The following PRIMA1 variants were observed in gnomAD, a reference collection of about 807,000 sequenced individuals.
PRIMA1 encodes the protein proline rich membrane anchor 1, also known as proline-rich membrane anchor 1.
A neutral mutation model predicts 17.5 loss-of-function variants in PRIMA1; 7 were observed. The ratio of observed to expected loss-of-function variants is 0.40; its 90% CI spans 0.23 to 0.75. The LOEUF (loss-of-function observed/expected upper bound fraction) is 0.75. PRIMA1 is among the 30% of genes least tolerant of loss of function. The probability of loss-of-function intolerance (pLI) is 0.37; values close to 1 mark genes in which losing one functional copy is unlikely to be tolerated. For missense variants in PRIMA1, 200 were observed against 201.8 expected (o/e 0.99, Z 0.05); for synonymous variants, 97 against 77.9 (o/e 1.25, Z -1.29).
chr14:93,732,806 AG>A (rs2076123409), intron 4 of PRIMA1, among the ~76,000 whole-genome samples: 1 of 149,448 alleles, frequency 6.7e-6, no homozygotes, highest in Non-Finnish European at 1.5e-5. Flanking sequence ...TGCTGAGCCC[AG>A]CTGAGCCCAG....
intron 4 of PRIMA1, among the ~76,000 whole-genome samples, chr14:93,728,742 G>A (rs12432279): frequency 0.17 from 26,063 of 152,132 alleles, 2,536 homozygotes; most frequent in Admixed American, 0.29. Context: ...AGCTGGCCCA[G>A]AGCACACACA....
chr14:93,732,826 G>A (rs528364120), intron 4 of PRIMA1, among the ~76,000 whole-genome samples: 7 of 148,014 alleles, frequency 4.7e-5, no homozygotes, highest in Admixed American at 2.6e-4. Flanking sequence ...AGCTGAGCCC[G>A]GCGGGGCTGG....
intron 3 of PRIMA1, among the ~76,000 whole-genome samples, chr14:93,738,718 A>G (rs1042954263): frequency 6.6e-6 from 1 of 152,174 alleles, no homozygotes; most frequent in Non-Finnish European, 1.5e-5. Context: ...TAAAAGTACC[A>G]TCCTCTGAGC....
At chr14:93,728,794 G>A (rs531821716) in intron 4 of PRIMA1, among the ~76,000 whole-genome samples, 2 of 152,262 alleles carry the variant, frequency 1.3e-5, no homozygotes, top group Non-Finnish European at 2.9e-5. Flanking sequence ...TGTCCACGGT[G>A]CACGGAGGCC....
intron 3 of PRIMA1, among the ~76,000 whole-genome samples, chr14:93,741,575 G>T (rs2076184544): frequency 6.6e-6 from 1 of 152,234 alleles, no homozygotes; most frequent in Admixed American, 6.5e-5. Flanking sequence ...CGTAAACTAT[G>T]CCTTTACCAG....
chr14:93,770,479 G>A (rs974373510), intron 3 of PRIMA1, among the ~76,000 whole-genome samples: 4 of 152,214 alleles, frequency 2.6e-5, no homozygotes, highest in South Asian at 2.1e-4. Context: ...TTCTCCACAC[G>A]AGGACCTTGC....
intron 3 of PRIMA1, among the ~76,000 whole-genome samples, chr14:93,757,907 G>A (rs964407073): frequency 2.0e-5 from 3 of 152,172 alleles, no homozygotes; most frequent in Admixed American, 6.5e-5. Context: ...AACACATGAC[G>A]GACACTGTTG....
Position 93,718,971 on chromosome 14 carries a change from A to C in PRIMA1, c.*2473T>G, listed in dbSNP as rs1302889072. ...TCAAATACTAGGCCGGCAGGGTTTT[A>C]AGTACCCTTATGTCTCTGTAAGCTC... On this transcript the variant is annotated 3_prime_UTR_variant, in exon 5 of 5. Coordinates refer to ENST00000393140, the MANE Select transcript of PRIMA1 (RefSeq NM_178013.4). The C allele has an allele frequency of 6.6e-6, 1 of 152,144 alleles. No homozygotes were observed. Among genetic ancestry groups the C allele is most frequent in the Admixed American group, 6.5e-5 (1 of 15,278 alleles). The allele number at this position is 152,144 out of a possible 1,614,324, so 9.4% of individuals were successfully genotyped here. A position where few individuals can be genotyped will look rare whatever the true frequency, so the allele number is the denominator to read the frequency against.
At chr14:93,756,872 C>T (rs1162075587) in intron 3 of PRIMA1, among the ~76,000 whole-genome samples, 2 of 152,150 alleles carry the variant, frequency 1.3e-5, no homozygotes, top group East Asian at 1.9e-4. Flanking sequence ...CAGCAAGTCC[C>T]CTTCAAACGT....
At chr14:93,763,593 G>C (rs938786444) in intron 3 of PRIMA1, among the ~76,000 whole-genome samples, 2 of 152,218 alleles carry the variant, frequency 1.3e-5, no homozygotes, top group Admixed American at 1.3e-4. Context: ...CAGCTTGCAG[G>C]TGCCAGGCCT....
chr14:93,780,344 C>T (rs780646996), intron 2 of PRIMA1, among the ~76,000 whole-genome samples: 7 of 152,218 alleles, frequency 4.6e-5, no homozygotes, highest in East Asian at 1.9e-4. Flanking sequence ...ACTGTGAGCT[C>T]GCTGAGGGCA....
intron 4 of PRIMA1, among the ~76,000 whole-genome samples, chr14:93,722,973 C>G (rs2076052002): frequency 6.6e-6 from 1 of 152,038 alleles, no homozygotes; most frequent in African/African-American, 2.4e-5. Flanking sequence ...TATAAGGGAT[C>G]AGGAAGGCTG....
At chr14:93,748,826 T>TTA (rs2076243132) in intron 3 of PRIMA1, among the ~76,000 whole-genome samples, 1 of 152,040 alleles carries the variant, frequency 6.6e-6, no homozygotes, top group Admixed American at 6.6e-5. Flanking sequence ...CAATACATTA[T>TTA]TAATAATTGT....
rs549661209 is a variant in PRIMA1, at chr14:93,741,178, T to A, written c.230-3808A>T. On this transcript the variant is annotated intron_variant, in intron 3 of 4. Coordinates refer to ENST00000393140, the MANE Select transcript of PRIMA1 (RefSeq NM_178013.4). ...ATTTTGCTCAGAAAGCCAGCTGTTG[T>A]GTTCAAAGAATGCATGCTTATTTAT... Among the ~76,000 whole-genome samples, 4 of 152,376 alleles carry A rather than the reference T, an allele frequency of 2.6e-5. No homozygotes were observed. In the South Asian group the frequency reaches 6.2e-4, roughly 24 times the overall value.
Position 93,720,046 on chromosome 14 carries a change from G to T in PRIMA1, c.*1398C>A, listed in dbSNP as rs8008566. ...CCTGTAGCTTAAACACCTATCAGAG[G>T]AGCACACTGGAGGTTTAGGAGGCAA... On this transcript the variant is annotated 3_prime_UTR_variant, in exon 5 of 5. Coordinates refer to ENST00000393140, the MANE Select transcript of PRIMA1 (RefSeq NM_178013.4). 4.0e-5 allele frequency: 6 copies of T among 151,678 alleles called. No individual in the cohort carries two copies. The South Asian group carries it at 1.0e-3, about 26-fold the overall frequency. 9.4% of individuals were successfully genotyped at this position (151,678 alleles called of 1,614,324 possible).
intron 3 of PRIMA1, among the ~76,000 whole-genome samples, chr14:93,758,482 C>G (rs1182135602): frequency 6.6e-6 from 1 of 150,752 alleles, no homozygotes; most frequent in African/African-American, 2.4e-5. Flanking sequence ...ACCTGTAATC[C>G]CAGCTACTTG....
chr14:93,725,488 G>A (rs982105684), intron 4 of PRIMA1, among the ~76,000 whole-genome samples: 6 of 152,080 alleles, frequency 3.9e-5, no homozygotes, highest in Non-Finnish European at 7.4e-5. Context: ...CATCAAGCAC[G>A]GCACTTCAGG....
Position 93,725,938 on chromosome 14 carries a change from C to T in PRIMA1, c.360-4392G>A, listed in dbSNP as rs1049498121. The T allele has an allele frequency of 1.5e-5, 7 of 456,494 alleles. No homozygotes were observed. In the Admixed American group the frequency reaches 1.6e-4, roughly 11 times the overall value. 28.3% of individuals were successfully genotyped at this position (456,494 alleles called of 1,614,324 possible). On this transcript the variant is annotated intron_variant, in intron 4 of 4. Coordinates refer to ENST00000393140, the MANE Select transcript of PRIMA1 (RefSeq NM_178013.4). ...TCAGCTGAGGCTGGTCTCATTAAAC[C>T]AAGAAGAGGCATTTCCACCCTGGTC... is the stretch of plus-strand genomic sequence containing the variant.
At chr14:93,757,394 C>T (rs910496873) in intron 3 of PRIMA1, among the ~76,000 whole-genome samples, 16 of 152,232 alleles carry the variant, frequency 1.1e-4, no homozygotes, top group African/African-American at 3.6e-4. Context: ...ACGTCAGAGC[C>T]GGCTAATCCC....
Sources: gnomAD v4.1 joint callset for allele counts (sites outside exome capture counted in the v4.1 genomes callset) on GRCh38, gnomAD v4.1.1 for gene constraint, MANE v1.5 for transcripts, NCBI Gene and HGNC (gene_info 2026-07-23, HGNC 2026-07-21) for gene names.